MFN2: variants seen among roughly 807,000 people sequenced by gnomAD.
MFN2 encodes the protein mitofusin 2, also known as mitofusin-2.
Under a neutral mutation model 87.5 loss-of-function variants are expected in MFN2, and 43 were observed. The observed-to-expected ratio is 0.49, with a 90% CI of 0.38 to 0.63. The LOEUF is 0.63. MFN2 is among the 30% of genes least tolerant of loss of function. MFN2 has a pLI of 0.00. For missense variants in MFN2, 743 were observed against 972.8 expected, an observed-to-expected ratio of 0.76 and a Z score of 3.14; for synonymous variants, 337 against 359.9, an observed-to-expected ratio of 0.94 and a Z score of 0.72.
chr1:11,992,618 G>T lies in MFN2; in HGVS notation c.239G>T (p.Gly80Val), dbSNP rs139827903. Reference protein sequence around the residue: ...TTEEQVLDVKGYLSKVRGISE... With the variant: ...TTEEQVLDVKVYLSKVRGISE... ...GAAGAACAGGTTCTGGACGTCAAAG[G>T]TTACCTATCCAAAGTGAGAGGCATC... The change falls in exon 4 of 19, where the codon GGT becomes GTT. Residue 80 changes from glycine (G) to valine (V), a missense_variant. Physicochemically the swap from Gly to Val is moderately radical, Grantham distance 109. Coordinates refer to ENST00000235329, the MANE Select transcript of MFN2 (RefSeq NM_014874.4). 7 of 1,614,168 alleles carry T rather than the reference G, an allele frequency of 4.3e-6. No homozygotes were observed. The African/African-American group carries it at 6.7e-5, about 15-fold the overall frequency.
rs952122227 is a variant in MFN2 at position 11,999,642 on chromosome 1, G to A, written c.816+547G>A. 7.9e-5 allele frequency among the ~76,000 whole-genome samples: 12 copies of A among 152,008 alleles called. No individual in the cohort carries two copies. The East Asian group carries it at 1.8e-3, about 22-fold the overall frequency. On this transcript the variant is annotated intron_variant, in intron 8 of 18. Coordinates refer to ENST00000235329, the MANE Select transcript of MFN2 (RefSeq NM_014874.4). ...CAAAGTGCTGGGATTACAGGCATGA[G>A]CCACCACGCCTGGCCTCACAACTCT...
At chr1:11,988,110 T>G (rs1049877466) in intron 2 of MFN2, among the ~76,000 whole-genome samples, 113 of 78,590 alleles carry the variant, frequency 1.4e-3, no homozygotes, top group African/African-American at 5.5e-3. Flanking sequence ...GTGTGTGTGT[T>G]TTTCTTTGTT....
At position 12,004,923 on chromosome 1, in the gene MFN2, G is replaced by A. The variant is rs201240407; in HGVS notation, c.1491G>A (p.Met497Ile). Residue 497 changes from methionine (M) to isoleucine (I), a missense_variant, in exon 14 of 19, where the codon ATG becomes ATA. By Grantham distance (10) the Met-to-Ile change is conservative (BLOSUM62 1). Around this residue, in one of 3 missense-constraint regions of MFN2, gnomAD observed 571 missense variants for 670.7 expected, o/e 0.85. Coordinates refer to ENST00000235329, the MANE Select transcript of MFN2 (RefSeq NM_014874.4). This position sits in a 1 kb window ranked among gnomAD's most constrained non-coding sequence, Gnocchi z 4.2. ...TNSLQTMQQD[M>I]IDGLKPLLPV... ...CCCTGCAGACCATGCAGCAGGACATGATAGGTTAGTGCCCATGGGGAACTG... is the reference window on the plus strand; with the variant it reads ...CCCTGCAGACCATGCAGCAGGACATAATAGGTTAGTGCCCATGGGGAACTG... The A allele has an allele frequency of 1.7e-5, 28 of 1,607,098 alleles. No individual in the cohort carries two copies. In the East Asian group the frequency reaches 6.1e-4, roughly 35 times the overall value.
At chr1:11,998,377 C>A (rs2100830462) in intron 6 of MFN2, among the ~76,000 whole-genome samples, 1 of 151,886 alleles carries the variant, frequency 6.6e-6, no homozygotes, top group African/African-American at 2.4e-5. Flanking sequence ...GAAACCCTGT[C>A]TCTACTAAAA....
At chr1:11,987,799 A>G (rs1296962951) in intron 2 of MFN2, among the ~76,000 whole-genome samples, 2 of 151,446 alleles carry the variant, frequency 1.3e-5, no homozygotes, top group Non-Finnish European at 2.9e-5. Context: ...AATTTTAAAA[A>G]AATTAGTGGG....
intron 15 of MFN2, 33 bp downstream of exon 15, chr1:12,005,964 G>T (rs200705455): frequency 7.5e-6 from 12 of 1,598,242 alleles, no homozygotes; most frequent in Middle Eastern, 2.2e-4. Flanking sequence ...AGGGCATTGT[G>T]GGGGGTCAGT....
At position 12,011,984 on chromosome 1, in the gene MFN2, A is replaced by T. The variant is rs1190637991; in HGVS notation, c.*419A>T. 8.1e-6 allele frequency: 2 copies of T among 245,980 alleles called. No individual in the cohort carries two copies. The highest frequency in any genetic ancestry group is 4.4e-5 in the African/African-American group (2 of 45,378). The allele number at this position is 245,980 out of a possible 1,614,324, so 15.2% of individuals were successfully genotyped here. On this transcript the variant is annotated 3_prime_UTR_variant, in exon 19 of 19. Transcript: ENST00000235329. ...GCACCTGCCCTCCTTGCAGCCCAGC[A>T]CACCTGCAGGTGTAAGGGACGATTG...
rs1013830395 is a variant in MFN2, at chr1:12,003,079, T to C, written c.1161-913T>C. ...GCCTCATTTTCCTATGGATGGAATT[T>C]TAGATTTTTTTTTTGCTATTGGAAA... is the stretch of plus-strand genomic sequence containing the variant. On this transcript the variant is annotated intron_variant, in intron 11 of 18. Transcript: ENST00000235329. The surrounding 1 kb of genome is among the most constrained non-coding windows in gnomAD (Gnocchi z 4.1). Among the ~76,000 whole-genome samples the C allele has an allele frequency of 1.3e-5, 2 of 151,212 alleles. No individual in the cohort carries two copies. Among genetic ancestry groups the C allele is most frequent in the Non-Finnish European group, 3.0e-5 (2 of 67,780 alleles).
At chr1:11,988,705 TTG>T (rs956103435) in intron 2 of MFN2, among the ~76,000 whole-genome samples, 1 of 151,984 alleles carries the variant, frequency 6.6e-6, no homozygotes, top group African/African-American at 2.4e-5. Context: ...CATGCTAATT[TTG>T]TTTTATTTTT....
rs916422614 is a variant in MFN2 at position 11,989,071 on chromosome 1, A to G, written c.-4-94A>G. 3.6e-6 allele frequency: 5 copies of G among 1,379,252 alleles called. No homozygotes were observed. The East Asian group carries it at 9.1e-5, about 25-fold the overall frequency. 85.4% of individuals were successfully genotyped at this position (1,379,252 alleles called of 1,614,324 possible). ...GGTTGCAGTGACCTGAGATCCCCAT[A>G]TTCTTGATTCTCCCCAAAGCATTCC... On this transcript the variant is annotated intron_variant, in intron 2 of 18. Transcript: ENST00000235329.
intron 7 of MFN2, 28 bp downstream of exon 7, chr1:11,998,906 C>T (rs1245948195): frequency 6.2e-7 from 1 of 1,612,958 alleles, no homozygotes; most frequent in Admixed American, 1.7e-5. Context: ...TTCTCCCAAG[C>T]TCCCAGCACC....
At chr1:11,986,700 C>T (rs1452567311) in intron 2 of MFN2, among the ~76,000 whole-genome samples, 11 of 151,240 alleles carry the variant, frequency 7.3e-5, no homozygotes, top group Admixed American at 4.0e-4. Context: ...AAGCAATTCT[C>T]GTGCCTCAGC....
Position 12,013,047 on chromosome 1 carries a change from G to A in MFN2, c.*1482G>A. The A allele has an allele frequency of 3.1e-6, 1 of 325,876 alleles. No individual in the cohort carries two copies. The allele number at this position is 325,876 out of a possible 1,614,324, so 20.2% of individuals were successfully genotyped here. ...TAAAGCCCTCAGTCTGTCCTGTTGTGTGGGGCGAAGTGATGGACTCTGCCA... is the reference window on the plus strand; with the variant it reads ...TAAAGCCCTCAGTCTGTCCTGTTGTATGGGGCGAAGTGATGGACTCTGCCA... On this transcript the variant is annotated 3_prime_UTR_variant, in exon 19 of 19. Transcript: ENST00000235329.
chr1:12,008,573 G>A (rs80128442), intron 17 of MFN2, among the ~76,000 whole-genome samples: 2 of 151,598 alleles, frequency 1.3e-5, no homozygotes, highest in African/African-American at 4.9e-5. Context: ...CAGACGGGGC[G>A]GCTGCCGGGC....
chr1:12,003,777 C>T lies in MFN2; in HGVS notation c.1161-215C>T, dbSNP rs1282255447. ...TTAAAGCGCCCTCCCTGTTTTGTGC[C>T]CACCACCTGACCCACATCGAAGACT... On this transcript the variant is annotated intron_variant, in intron 11 of 18. Coordinates refer to ENST00000235329, the MANE Select transcript of MFN2 (RefSeq NM_014874.4). The surrounding 1 kb of genome is among the most constrained non-coding windows in gnomAD (Gnocchi z 4.1). 1.3e-5 allele frequency among the ~76,000 whole-genome samples: 2 copies of T among 152,188 alleles called. No homozygotes were observed. Among genetic ancestry groups the T allele is most frequent in the Non-Finnish European group, 2.9e-5 (2 of 68,030 alleles).
At chr1:11,992,015 G>C (rs572188887) in intron 3 of MFN2, among the ~76,000 whole-genome samples, 1 of 145,348 alleles carries the variant, frequency 6.9e-6, no homozygotes, top group East Asian at 2.1e-4. Flanking sequence ...TCAAATCATA[G>C]CTCTGCCTTT....
intron 9 of MFN2, 69 bp downstream of exon 9, chr1:12,001,623 T>C: frequency 6.2e-7 from 1 of 1,610,954 alleles, no homozygotes; most frequent in South Asian, 1.1e-5. Flanking sequence ...CTGAGGAGTC[T>C]GTCAGTAGAA....
Position 11,992,559 on chromosome 1 carries a change from G to C in MFN2, c.180G>C (p.Thr60=). Residue 60 remains threonine (T), a synonymous_variant, in exon 4 of 19, where the codon ACG becomes ACC. Transcript: ENST00000235329. ...IQESATFLED[T]YRNAELDPVT... is the part of the protein sequence containing the mutation. ...ATTTTCAATCCCCACCTCCAGACAC[G>C]TACAGGAATGCAGAACTGGACCCCG... 6.2e-7 allele frequency: 1 copy of C among 1,614,134 alleles called. No homozygotes were observed. Among genetic ancestry groups the C allele is most frequent in the Non-Finnish European group, 8.5e-7 (1 of 1,180,010 alleles).
chr1:11,989,485 T>C, intron 3 of MFN2, 142 bp downstream of exon 3: 2 of 982,974 alleles, frequency 2.0e-6, no homozygotes, highest in Non-Finnish European at 2.9e-6. Context: ...CTTGAAATCA[T>C]GTGGAATTGG....
Sources: allele counts gnomAD v4.1 joint callset (sites outside exome capture counted in the v4.1 genomes callset), GRCh38; gene constraint gnomAD v4.1.1; regional missense constraint gnomAD v4.1.1; non-coding constraint Gnocchi (gnomAD v3.1); transcripts MANE v1.5; gene names NCBI Gene and HGNC (gene_info 2026-07-23, HGNC 2026-07-21).